The following PDE1A variants were observed in gnomAD, a reference collection of about 807,000 sequenced individuals.
The protein encoded by PDE1A is phosphodiesterase 1A, also known as dual specificity calcium/calmodulin-dependent 3',5'-cyclic nucleotide phosphodiesterase 1A.
Under a neutral mutation model 61.7 loss-of-function variants are expected in PDE1A, and 35 were observed. The ratio of observed to expected loss-of-function variants is 0.57; its 90% CI spans 0.43 to 0.75. PDE1A has a LOEUF of 0.75. PDE1A is among the 30% of genes least tolerant of loss of function. The pLI is 0.00. For missense variants in PDE1A, 597 were observed against 630.6 expected, an observed-to-expected ratio of 0.95 and a Z score of 0.57; for synonymous variants, 232 against 213.2, an observed-to-expected ratio of 1.09 and a Z score of -0.77.
intron 1 of PDE1A, among the ~76,000 whole-genome samples, chr2:182,308,013 T>C (rs543133487): frequency 6.6e-6 from 1 of 152,314 alleles, no homozygotes; most frequent in Non-Finnish European, 1.5e-5. Context: ...AAACTAAATA[T>C]AATCGTTTTT....
At chr2:182,544,421 A>G in the PDE1A span, among the ~76,000 whole-genome samples, 1 of 152,166 alleles carries the variant, frequency 6.6e-6, no homozygotes, top group South Asian at 2.1e-4. Flanking sequence ...CTGCTGTCCA[A>G]ACTTAGACTT....
At chr2:182,358,830 A>G (rs1440848179) in intron 1 of PDE1A, among the ~76,000 whole-genome samples, 1 of 152,106 alleles carries the variant, frequency 6.6e-6, no homozygotes. Flanking sequence ...TAATTTCCTG[A>G]AAGTTTTGTT....
intron 6 of PDE1A, among the ~76,000 whole-genome samples, chr2:182,227,734 A>C (rs1689251056): frequency 6.6e-6 from 1 of 152,022 alleles, no homozygotes. Context: ...CATGGTTTTA[A>C]ACTCGTGTCT....
the PDE1A span, among the ~76,000 whole-genome samples, chr2:182,670,887 G>A: frequency 7.3e-5 from 11 of 151,106 alleles, no homozygotes; most frequent in East Asian, 2.0e-4. Flanking sequence ...GTGTGATCTC[G>A]GCTCACTGCA....
chr2:182,636,122 A>G, the PDE1A span, among the ~76,000 whole-genome samples: 2 of 149,824 alleles, frequency 1.3e-5, no homozygotes, highest in African/African-American at 4.9e-5. Flanking sequence ...TGCCCGGCTA[A>G]TTTTTTTTTG....
At chr2:182,184,115 T>C (rs553472461) in intron 13 of PDE1A, among the ~76,000 whole-genome samples, 5 of 151,990 alleles carry the variant, frequency 3.3e-5, no homozygotes, top group African/African-American at 1.2e-4. Context: ...AATCCTAAGT[T>C]ATGCATAACA....
the PDE1A span, among the ~76,000 whole-genome samples, chr2:182,651,305 C>T: frequency 6.6e-6 from 1 of 152,140 alleles, no homozygotes; most frequent in Non-Finnish European, 1.5e-5. Flanking sequence ...CCACACCTGG[C>T]CTTGTATTTT....
At position 182,487,831 on chromosome 2, in the gene PDE1A, C is replaced by A. The variant is rs563239817; in HGVS notation, c.101+34445G>T. ...CTGTTTAAAACTGTCATTATTAAAC[C>A]AAAAACTTTTACTTGGAGCTGACTT... On this transcript the variant is annotated intron_variant, in intron 2 of 14. Coordinates refer to the PDE1A transcript ENST00000410103. Among the ~76,000 whole-genome samples the A allele has an allele frequency of 5.3e-4, 81 of 152,024 alleles. 3 individuals are homozygous for A. In the South Asian group the frequency reaches 0.017, roughly 32 times the overall value.
chr2:182,294,420 G>T (rs1694739316), intron 1 of PDE1A, among the ~76,000 whole-genome samples: 1 of 152,000 alleles, frequency 6.6e-6, no homozygotes, highest in Non-Finnish European at 1.5e-5. Context: ...TTTAATAATG[G>T]CATTAATAAC....
the PDE1A span, among the ~76,000 whole-genome samples, chr2:182,661,834 A>G: frequency 5.9e-5 from 9 of 152,284 alleles, no homozygotes; most frequent in Middle Eastern, 3.4e-3. Flanking sequence ...CTAGAAATAA[A>G]TGTAGCAAAG....
At chr2:182,151,939 C>T (rs896247867) in intron 13 of PDE1A, among the ~76,000 whole-genome samples, 6 of 152,110 alleles carry the variant, frequency 3.9e-5, no homozygotes, top group Admixed American at 1.3e-4. Flanking sequence ...ACTATTCCAA[C>T]GCAAAATAGC....
At chr2:182,287,789 G>C (rs1694263549) in intron 1 of PDE1A, among the ~76,000 whole-genome samples, 1 of 152,150 alleles carries the variant, frequency 6.6e-6, no homozygotes, top group Non-Finnish European at 1.5e-5. Flanking sequence ...CTGAGCCTAA[G>C]ACTCTGAATG....
chr2:182,531,367 T>A, the PDE1A span, among the ~76,000 whole-genome samples: 3 of 86,508 alleles, frequency 3.5e-5, no homozygotes, highest in African/African-American at 4.2e-5. Context: ...GGATTAAAAG[T>A]AAAAAGGTAG....
intron 1 of PDE1A, among the ~76,000 whole-genome samples, chr2:182,323,288 A>G (rs971554487): frequency 3.3e-5 from 5 of 152,178 alleles, no homozygotes; most frequent in Admixed American, 2.6e-4. Flanking sequence ...ATATTTTGTA[A>G]ATTTATGGAA....
exon 2 of PDE1A, chr2:182,522,376 T>C (rs1193575594): frequency 6.2e-7 from 1 of 1,613,356 alleles, no homozygotes; most frequent in Non-Finnish European, 8.5e-7. Flanking sequence ...CTAGACCCCA[T>C]GATGATGCTC....
intron 7 of PDE1A, among the ~76,000 whole-genome samples, chr2:182,214,631 C>T: frequency 6.7e-6 from 1 of 149,652 alleles, no homozygotes; most frequent in South Asian, 2.1e-4. Flanking sequence ...TCTGATAAAA[C>T]AGACTTTAAA....
intron 13 of PDE1A, among the ~76,000 whole-genome samples, chr2:182,154,732 A>T (rs572399874): frequency 6.6e-6 from 1 of 152,240 alleles, no homozygotes; most frequent in African/African-American, 2.4e-5. Context: ...TCTTTCTTTT[A>T]TAAATTACCT....
At chr2:182,458,561 T>A (rs1686072769) in intron 2 of PDE1A, among the ~76,000 whole-genome samples, 1 of 152,002 alleles carries the variant, frequency 6.6e-6, no homozygotes, top group Admixed American at 6.6e-5. Context: ...ATCTTCCCAA[T>A]AATGCCCTAA....
chr2:182,224,730 C>CTGTT (rs1387535665), intron 6 of PDE1A, among the ~76,000 whole-genome samples: 1 of 151,834 alleles, frequency 6.6e-6, no homozygotes, highest in Non-Finnish European at 1.5e-5. Flanking sequence ...CCACATGTGA[C>CTGTT]TGTTTAAGTT....
Sources: gnomAD v4.1 joint callset for allele counts (sites outside exome capture counted in the v4.1 genomes callset) on GRCh38, gnomAD v4.1.1 for gene constraint, MANE v1.5 for transcripts, NCBI Gene and HGNC (gene_info 2026-07-23, HGNC 2026-07-21) for gene names.